Variants in KCNIP4 observed in about 807,000 individuals in gnomAD.
KCNIP4 encodes the protein potassium voltage-gated channel interacting protein 4.
KCNIP4 carries 12 observed loss-of-function variants against 34.0 expected under a neutral mutation model. The ratio of observed to expected loss-of-function variants is 0.35; its 90% CI spans 0.23 to 0.57. KCNIP4 has a LOEUF of 0.57. Ranked by LOEUF, KCNIP4 falls within the 20% of genes least tolerant of loss-of-function variation. The pLI is 0.83. For missense variants in KCNIP4, 238 were observed against 311.7 expected (o/e 0.76, Z 1.78); for synonymous variants, 124 against 102.2 (o/e 1.21, Z -1.29).
intron 3 of KCNIP4, among the ~76,000 whole-genome samples, chr4:20,768,661 A>C (rs1046102287): frequency 3.3e-5 from 5 of 152,176 alleles, no homozygotes; most frequent in Non-Finnish European, 5.9e-5. Context: ...AGGTAAGCAA[A>C]AGAAATGCAA....
At chr4:21,446,676 A>G (rs951201769) in intron 1 of KCNIP4, among the ~76,000 whole-genome samples, 1 of 151,388 alleles carries the variant, frequency 6.6e-6, no homozygotes, top group African/African-American at 2.4e-5. Context: ...CCTAATGTTA[A>G]TGGGTGCAGC....
intron 1 of KCNIP4, among the ~76,000 whole-genome samples, chr4:21,871,536 G>A (rs369120119): frequency 1.3e-5 from 2 of 151,566 alleles, no homozygotes; most frequent in African/African-American, 2.4e-5. Flanking sequence ...GCAAACTATC[G>A]CAAGGACAGA....
At chr4:20,963,936 C>T (rs1412659865) in intron 1 of KCNIP4, among the ~76,000 whole-genome samples, 1 of 152,088 alleles carries the variant, frequency 6.6e-6, no homozygotes, top group African/African-American at 2.4e-5. Flanking sequence ...CCAACCTCTC[C>T]ACATGGTGTT....
At chr4:21,215,291 A>G (rs376992332) in intron 1 of KCNIP4, among the ~76,000 whole-genome samples, 12 of 152,316 alleles carry the variant, frequency 7.9e-5, no homozygotes, top group African/African-American at 2.4e-4. Context: ...AGATACTTCA[A>G]TTAGAAAGTC....
chr4:21,273,909 C>T lies in KCNIP4; in HGVS notation c.62-391200G>A, dbSNP rs552323138. Among the ~76,000 whole-genome samples the T allele has an allele frequency of 2.9e-3, 443 of 152,230 alleles. 5 individuals carry two copies. Among genetic ancestry groups the T allele is most frequent in the African/African-American group, 9.9e-3 (410 of 41,544 alleles). Reference sequence around the variant, plus strand: ...GTGTCTCCATTTGACTGGAGCTCTCCAAGGGCCAGGTCTTATTCATATCTA... The same window carrying T: ...GTGTCTCCATTTGACTGGAGCTCTCTAAGGGCCAGGTCTTATTCATATCTA... On this transcript the variant is annotated intron_variant, in intron 1 of 8. Coordinates refer to ENST00000382152, the MANE Select transcript of KCNIP4 (RefSeq NM_025221.6).
At chr4:21,783,421 T>C (rs1719698686) in intron 1 of KCNIP4, among the ~76,000 whole-genome samples, 1 of 152,056 alleles carries the variant, frequency 6.6e-6, no homozygotes, top group Non-Finnish European at 1.5e-5. Flanking sequence ...GGCCTAAATA[T>C]AAATAATGTG....
intron 1 of KCNIP4, among the ~76,000 whole-genome samples, chr4:21,444,822 G>C (rs1372801296): frequency 6.6e-6 from 1 of 152,190 alleles, no homozygotes; most frequent in South Asian, 2.1e-4. Flanking sequence ...ATTAGGAAAA[G>C]AGGAAGTCAA....
intron 1 of KCNIP4, among the ~76,000 whole-genome samples, chr4:21,404,811 A>G (rs1436874815): frequency 6.6e-6 from 1 of 152,202 alleles, no homozygotes; most frequent in African/African-American, 2.4e-5. Context: ...ACTGCATATG[A>G]TTTGCTACAT....
chr4:21,232,901 G>A (rs1369054440), intron 1 of KCNIP4, among the ~76,000 whole-genome samples: 10 of 152,124 alleles, frequency 6.6e-5, no homozygotes, highest in Non-Finnish European at 1.3e-4. Flanking sequence ...AGAATGAGGG[G>A]ATTACCGAAT....
At chr4:21,144,734 C>T (rs977679010) in intron 1 of KCNIP4, among the ~76,000 whole-genome samples, 8 of 152,190 alleles carry the variant, frequency 5.3e-5, no homozygotes, top group African/African-American at 1.9e-4. Flanking sequence ...ATATTTTCCT[C>T]CTCAGTCAAG....
intron 1 of KCNIP4, among the ~76,000 whole-genome samples, chr4:21,547,798 G>A (rs991494602): frequency 6.6e-6 from 1 of 151,972 alleles, no homozygotes; most frequent in South Asian, 2.1e-4. Flanking sequence ...TTATAGCTTG[G>A]GGATGAGTTC....
intron 1 of KCNIP4, among the ~76,000 whole-genome samples, chr4:21,026,049 C>T (rs1407800288): frequency 6.6e-6 from 1 of 152,044 alleles, no homozygotes; most frequent in Non-Finnish European, 1.5e-5. Flanking sequence ...AAACAAGTTA[C>T]AATCATGAAG....
At chr4:21,485,298 C>A (rs1731807253) in intron 1 of KCNIP4, among the ~76,000 whole-genome samples, 1 of 152,124 alleles carries the variant, frequency 6.6e-6, no homozygotes, top group East Asian at 1.9e-4. Flanking sequence ...TATAACCATT[C>A]AATTACTACT....
chr4:21,134,919 T>C (rs530370671), intron 1 of KCNIP4, among the ~76,000 whole-genome samples: 13 of 152,356 alleles, frequency 8.5e-5, no homozygotes, highest in African/African-American at 2.9e-4. Flanking sequence ...GTGGTACTTC[T>C]TGACCTAGGC....
At chr4:21,004,263 A>G (rs1370368919) in intron 1 of KCNIP4, among the ~76,000 whole-genome samples, 1 of 152,220 alleles carries the variant, frequency 6.6e-6, no homozygotes, top group Non-Finnish European at 1.5e-5. Flanking sequence ...GAAGACTCAA[A>G]AGATTTTTTG....
At chr4:21,112,785 G>C (rs759819436) in intron 1 of KCNIP4, among the ~76,000 whole-genome samples, 38 of 152,170 alleles carry the variant, frequency 2.5e-4, no homozygotes, top group Non-Finnish European at 4.7e-4. Flanking sequence ...GTCTTAAATT[G>C]ATTAGAAAAA....
chr4:21,716,492 C>A (rs1320702881), intron 1 of KCNIP4, among the ~76,000 whole-genome samples: 2 of 152,078 alleles, frequency 1.3e-5, no homozygotes, highest in East Asian at 3.9e-4. Flanking sequence ...CCACCTTGAC[C>A]TCCCAAAGTG....
intron 2 of KCNIP4, among the ~76,000 whole-genome samples, chr4:20,853,657 T>C (rs559856984): frequency 7.5e-4 from 114 of 152,050 alleles, no homozygotes; most frequent in Non-Finnish European, 1.5e-3. Context: ...TGGGACCTCA[T>C]TAAACTAAAG....
chr4:21,192,951 AC>A lies in KCNIP4; in HGVS notation c.62-310243del, dbSNP rs372879977. ...TACTACTACTACTACTACTACTACT[AC>A]TAATAATAATAATAATTAGTTGGGT... On this transcript the variant is annotated intron_variant, in intron 1 of 8. Transcript: ENST00000382152. 4.1e-3 allele frequency among the ~76,000 whole-genome samples: 584 copies of A among 142,708 alleles called. 3 individuals are homozygous for A. Among genetic ancestry groups the A allele is most frequent in the African/African-American group, 0.015 (535 of 35,912 alleles). 93.6% of individuals were successfully genotyped at this position (142,708 alleles called of 152,430 possible).
Sources: allele counts gnomAD v4.1 joint callset (sites outside exome capture counted in the v4.1 genomes callset), GRCh38; gene constraint gnomAD v4.1.1; transcripts MANE v1.5; gene names NCBI Gene and HGNC (gene_info 2026-07-23, HGNC 2026-07-21).